SLC14A2: variants seen among roughly 807,000 people sequenced by gnomAD.
SLC14A2 encodes the protein urea transporter 2.
Under a neutral mutation model 104.6 loss-of-function variants are expected in SLC14A2, and 91 were observed. The observed-to-expected ratio is 0.87, with a 90% CI of 0.73 to 1.04. SLC14A2 has a LOEUF of 1.04. Ranked by LOEUF, SLC14A2 falls within the 50% of genes least tolerant of loss-of-function variation. The pLI, the probability that SLC14A2 is intolerant of heterozygous loss-of-function variation, is 0.00. For missense variants in SLC14A2, 1,189 were observed against 1,156.0 expected (o/e 1.03, Z -0.41); for synonymous variants, 476 against 466.4 (o/e 1.02, Z -0.27).
In SLC14A2 at chr18:45,257,092, G is replaced by A. The variant is rs527461414; in HGVS notation, c.-125+43901G>A. On this transcript the variant is annotated intron_variant, in intron 1 of 20. Transcript: ENST00000586448. ...TGCTACCCTTACCTTCTTTCCTGAT[G>A]CCTCTACCATGTTCTTCTGAAGGAC... Among the ~76,000 whole-genome samples, 30 of 152,308 alleles carry A rather than the reference G, an allele frequency of 2.0e-4. No homozygotes were observed. The South Asian group carries it at 2.7e-3, about 14-fold the overall frequency.
At chr18:45,644,204 G>A (rs762555415) in intron 10 of SLC14A2, 44 bp downstream of exon 10, 21 of 1,592,690 alleles carry the variant, frequency 1.3e-5, no homozygotes, top group Non-Finnish European at 1.8e-5. Flanking sequence ...TGCCTGACCT[G>A]ATGTCCTCTC....
chr18:45,464,427 C>T (rs1187448482), intron 1 of SLC14A2, among the ~76,000 whole-genome samples: 1 of 152,192 alleles, frequency 6.6e-6, no homozygotes, highest in African/African-American at 2.4e-5. Context: ...GGTCAGCTCC[C>T]ACCTGGTACC....
At chr18:45,198,062 A>G in the SLC14A2 span, among the ~76,000 whole-genome samples, 1 of 152,198 alleles carries the variant, frequency 6.6e-6, no homozygotes, top group African/African-American at 2.4e-5. Context: ...AATAAGAGAA[A>G]AAACATGGAT....
chr18:45,453,906 C>T (rs960840579), intron 1 of SLC14A2, among the ~76,000 whole-genome samples: 2 of 131,212 alleles, frequency 1.5e-5, no homozygotes, highest in South Asian at 5.0e-4. Context: ...GTCACCCAGG[C>T]TGCAGTGCAG....
intron 1 of SLC14A2, among the ~76,000 whole-genome samples, chr18:45,275,607 G>A (rs1270615081): frequency 6.6e-6 from 1 of 152,194 alleles, no homozygotes; most frequent in Non-Finnish European, 1.5e-5. Context: ...CAATGAATTA[G>A]ACAGTATATG....
In SLC14A2 at chr18:45,567,899, G is replaced by A. The variant is rs542635050; in HGVS notation, c.-34-56732G>A. On this transcript the variant is annotated intron_variant, in intron 2 of 20. Transcript: ENST00000586448. ...TTTCAGGAGAAGATGGTGAAGATGT[G>A]CAGAAGGGCAGCCACATCCCTCACA... 2.6e-5 allele frequency among the ~76,000 whole-genome samples: 4 copies of A among 152,332 alleles called. No homozygotes were observed. The East Asian group carries it at 5.8e-4, about 22-fold the overall frequency.
Position 45,273,016 on chromosome 18 carries a change from T to A in SLC14A2, c.-125+59825T>A, listed in dbSNP as rs2084666646. 2.0e-5 allele frequency among the ~76,000 whole-genome samples: 3 copies of A among 152,228 alleles called. No homozygotes were observed. In the South Asian group the frequency reaches 6.2e-4, roughly 32 times the overall value. On this transcript the variant is annotated intron_variant, in intron 1 of 20. Transcript: ENST00000586448. ...ATCAGGAATCGTGCAATTGCAAATA[T>A]CGGAATAATGGACTTGACTGACTTA...
At chr18:45,375,532 C>T (rs1012225767) in intron 1 of SLC14A2, among the ~76,000 whole-genome samples, 2 of 152,170 alleles carry the variant, frequency 1.3e-5, no homozygotes, top group African/African-American at 2.4e-5. Flanking sequence ...ACCAAGTTGT[C>T]CTTAAAAACT....
At chr18:45,433,201 A>G (rs1038640428) in intron 1 of SLC14A2, among the ~76,000 whole-genome samples, 1 of 152,180 alleles carries the variant, frequency 6.6e-6, no homozygotes, top group African/African-American at 2.4e-5. Flanking sequence ...TCCCTAACTA[A>G]GCCTCAGTTT....
At chr18:45,660,512 T>G (rs780420041) in intron 10 of SLC14A2, among the ~76,000 whole-genome samples, 7 of 152,172 alleles carry the variant, frequency 4.6e-5, no homozygotes, top group Non-Finnish European at 1.0e-4. Flanking sequence ...TCCATAACAA[T>G]ATCAGAAAGA....
rs527537178 is a variant in SLC14A2, at chr18:45,639,640, C to G, written c.844-106C>G. 5.7e-5 allele frequency: 62 copies of G among 1,092,482 alleles called. No individual in the cohort carries two copies. The East Asian group carries it at 1.5e-3, about 26-fold the overall frequency. 67.7% of individuals were successfully genotyped at this position (1,092,482 alleles called of 1,614,324 possible). ...ATGCTGGAGGGTACAGTCATCCTCC[C>G]GTTCCACTCCATTACTCCCCCGAGG... On this transcript the variant is annotated intron_variant, in intron 6 of 19. Coordinates refer to ENST00000255226, the MANE Select transcript of SLC14A2 (RefSeq NM_007163.4).
chr18:45,210,345 C>T (rs138290366), upstream of SLC14A2, among the ~76,000 whole-genome samples: 2 of 152,288 alleles, frequency 1.3e-5, no homozygotes, highest in East Asian at 1.9e-4. Context: ...ATAATCCCAG[C>T]ACTTTGGGAG....
chr18:45,638,125 C>T (rs746327203), intron 6 of SLC14A2, among the ~76,000 whole-genome samples: 1 of 152,170 alleles, frequency 6.6e-6, no homozygotes, highest in Non-Finnish European at 1.5e-5. Flanking sequence ...CTCAGCATCC[C>T]GCATTCCTCA....
At chr18:45,225,873 C>T (rs1244607322) in intron 1 of SLC14A2, among the ~76,000 whole-genome samples, 3 of 152,106 alleles carry the variant, frequency 2.0e-5, no homozygotes, top group African/African-American at 7.2e-5. Context: ...TGCTTATCAG[C>T]TTAAGGAGAT....
At chr18:45,509,149 G>A (rs1318980174) in intron 2 of SLC14A2, among the ~76,000 whole-genome samples, 1 of 152,066 alleles carries the variant, frequency 6.6e-6, no homozygotes, top group African/African-American at 2.4e-5. Context: ...CCCTTCATGG[G>A]ATACCTTGCC....
intron 1 of SLC14A2, among the ~76,000 whole-genome samples, chr18:45,372,191 A>G (rs2085729768): frequency 6.6e-6 from 1 of 152,106 alleles, no homozygotes; most frequent in Non-Finnish European, 1.5e-5. Flanking sequence ...ACTTGCCTGT[A>G]ATCCCAGCTA....
chr18:45,304,231 A>G (rs954598160), intron 1 of SLC14A2, among the ~76,000 whole-genome samples: 1 of 152,246 alleles, frequency 6.6e-6, no homozygotes, highest in Non-Finnish European at 1.5e-5. Context: ...TTACTTTTTA[A>G]TAAGGATTTT....
intron 5 of SLC14A2, among the ~76,000 whole-genome samples, chr18:45,635,546 GA>G (rs1267319020): frequency 6.6e-6 from 1 of 152,198 alleles, no homozygotes; most frequent in African/African-American, 2.4e-5. Context: ...TGCCATTGGT[GA>G]AATGGACAAG....
intron 2 of SLC14A2, among the ~76,000 whole-genome samples, chr18:45,522,675 T>A (rs1598956919): frequency 6.6e-6 from 1 of 152,338 alleles, no homozygotes; most frequent in African/African-American, 2.4e-5. Context: ...ATTCATTTAT[T>A]TTAGACCACA....
Sources: gnomAD v4.1 joint callset for allele counts (sites outside exome capture counted in the v4.1 genomes callset) on GRCh38, gnomAD v4.1.1 for gene constraint, MANE v1.5 for transcripts, NCBI Gene and HGNC (gene_info 2026-07-23, HGNC 2026-07-21) for gene names.